Variants in DAB1 observed in about 807,000 individuals in gnomAD.
DAB1 encodes the protein disabled homolog 1.
A neutral mutation model predicts 64.6 loss-of-function variants in DAB1; 15 were observed. The observed-to-expected ratio is 0.23, with a 90% CI of 0.16 to 0.36. The LOEUF is 0.36. Among genes scored for constraint, DAB1 ranks in the 10% least tolerant of loss-of-function variants. DAB1 has a pLI of 1.00. For missense variants in DAB1, 596 were observed against 706.7 expected, an observed-to-expected ratio of 0.84 and a Z score of 1.78; for synonymous variants, 235 against 251.9, an observed-to-expected ratio of 0.93 and a Z score of 0.64.
At chr1:57,011,351 T>C in intron 12 of DAB1, 79 bp from the exon 13 acceptor site, 8 of 1,527,418 alleles carry the variant, frequency 5.2e-6, no homozygotes, top group Non-Finnish European at 7.1e-6. Flanking sequence ...CTCAGGAATC[T>C]GCTTATATTG....
intron 7 of DAB1, among the ~76,000 whole-genome samples, chr1:57,592,045 T>C (rs1291652401): frequency 1.3e-5 from 2 of 152,110 alleles, no homozygotes. Flanking sequence ...TAGGATGAGG[T>C]GTTAGTCTTG....
At chr1:58,225,533 T>C (rs543582582) in intron 4 of DAB1, among the ~76,000 whole-genome samples, 1 of 151,918 alleles carries the variant, frequency 6.6e-6, no homozygotes, top group East Asian at 1.9e-4. Flanking sequence ...TGCGGCACTA[T>C]TCACAATAGC....
chr1:58,420,542 A>G (rs758271863), intron 3 of DAB1, among the ~76,000 whole-genome samples: 24 of 152,338 alleles, frequency 1.6e-4, no homozygotes, highest in Admixed American at 7.8e-4. Flanking sequence ...CTACAAGCTT[A>G]CTGAATAAAT....
intron 7 of DAB1, among the ~76,000 whole-genome samples, chr1:57,585,077 C>T (rs185190573): frequency 2.6e-5 from 4 of 152,010 alleles, no homozygotes; most frequent in Admixed American, 1.3e-4. Context: ...GTTGAAACCT[C>T]GTCTCTACTA....
At chr1:58,331,850 T>C (rs72912368) in intron 4 of DAB1, among the ~76,000 whole-genome samples, 11,756 of 152,260 alleles carry the variant, frequency 0.077, 1,544 homozygotes, top group African/African-American at 0.27. Context: ...GTTGCAGTGG[T>C]CTGAAACCGA....
intron 4 of DAB1, among the ~76,000 whole-genome samples, chr1:57,129,678 T>G (rs113091839): frequency 6.6e-6 from 1 of 152,164 alleles, no homozygotes; most frequent in Admixed American, 6.5e-5. Flanking sequence ...GGCTCGCTTC[T>G]CTTTGGGTTT....
At chr1:58,445,398 C>G (rs540632738) in intron 3 of DAB1, among the ~76,000 whole-genome samples, 1 of 152,326 alleles carries the variant, frequency 6.6e-6, no homozygotes, top group African/African-American at 2.4e-5. Context: ...AGTACACAAG[C>G]CCACTGCAAG....
intron 3 of DAB1, among the ~76,000 whole-genome samples, chr1:58,458,980 A>T (rs1282322792): frequency 2.0e-5 from 3 of 152,164 alleles, no homozygotes; most frequent in Non-Finnish European, 4.4e-5. Context: ...GTGGTGAGAT[A>T]ATATATGTGT....
At chr1:57,526,555 G>T (rs1396055335) in intron 7 of DAB1, among the ~76,000 whole-genome samples, 1 of 152,090 alleles carries the variant, frequency 6.6e-6, no homozygotes, top group Non-Finnish European at 1.5e-5. Flanking sequence ...AATAAACTAG[G>T]GAAACTTCCA....
chr1:58,114,937 A>AG (rs1453199361), intron 5 of DAB1, among the ~76,000 whole-genome samples: 2 of 152,194 alleles, frequency 1.3e-5, no homozygotes, highest in Non-Finnish European at 2.9e-5. Flanking sequence ...AGAAGCTAGA[A>AG]AGTTAAATTA....
intron 3 of DAB1, among the ~76,000 whole-genome samples, chr1:58,486,475 C>T (rs1645577597): frequency 6.6e-6 from 1 of 152,130 alleles, no homozygotes; most frequent in Non-Finnish European, 1.5e-5. Flanking sequence ...AATTCTACTG[C>T]CAATTTTTCT....
chr1:58,308,186 T>G (rs1415189352), intron 4 of DAB1, among the ~76,000 whole-genome samples: 3 of 152,106 alleles, frequency 2.0e-5, no homozygotes, highest in Non-Finnish European at 4.4e-5. Flanking sequence ...CCAGTCCACA[T>G]AGCTAAACAC....
intron 6 of DAB1, among the ~76,000 whole-genome samples, chr1:57,749,674 C>A (rs1648462432): frequency 1.3e-5 from 2 of 151,900 alleles, no homozygotes; most frequent in South Asian, 2.1e-4. Context: ...GATCCCCATT[C>A]TATGTACTAT....
chr1:57,669,882 G>A (rs902080301), intron 6 of DAB1, among the ~76,000 whole-genome samples: 2 of 152,156 alleles, frequency 1.3e-5, no homozygotes, highest in African/African-American at 4.8e-5. Context: ...AGAATCTGCT[G>A]TTGAGTTATG....
intron 6 of DAB1, among the ~76,000 whole-genome samples, chr1:57,660,287 T>C (rs1646370861): frequency 6.6e-6 from 1 of 151,942 alleles, no homozygotes; most frequent in Non-Finnish European, 1.5e-5. Flanking sequence ...ACAGAGCAAA[T>C]AAATCATGAC....
intron 2 of DAB1, among the ~76,000 whole-genome samples, chr1:57,217,955 C>T (rs577506810): frequency 1.3e-5 from 2 of 152,194 alleles, no homozygotes; most frequent in East Asian, 1.9e-4. Flanking sequence ...TCAGATACTA[C>T]TAGGTCCCAA....
chr1:58,253,560 A>AT (rs1660854123), intron 4 of DAB1, among the ~76,000 whole-genome samples: 1 of 152,260 alleles, frequency 6.6e-6, no homozygotes, highest in South Asian at 2.1e-4. Context: ...TCAGCCTCAA[A>AT]TAGTTGGGCT....
chr1:58,226,410 C>A (rs892520536), intron 4 of DAB1, among the ~76,000 whole-genome samples: 14 of 149,588 alleles, frequency 9.4e-5, no homozygotes, highest in Middle Eastern at 3.2e-3. Flanking sequence ...AAAAAAAAAA[C>A]TCAGAGAGGT....
At position 58,149,680 on chromosome 1, in the gene DAB1, A is replaced by ACG. The variant is rs149811598; in HGVS notation, n.387+829_387+830dup. On this transcript the variant is annotated intron_variant and non_coding_transcript_variant, in intron 5 of 20. Coordinates refer to the DAB1 transcript ENST00000485760. Reference sequence around the variant, plus strand: ...AGTGTTGAAACCAACAGCTGCACATACGCACACACACCTTGCTACAAGGTA... The same window carrying ACG: ...AGTGTTGAAACCAACAGCTGCACATACGCGCACACACACCTTGCTACAAGGTA... 2.9e-3 allele frequency among the ~76,000 whole-genome samples: 448 copies of ACG among 152,242 alleles called. 1 individual carries two copies. Among genetic ancestry groups the ACG allele is most frequent in the Middle Eastern group, 6.8e-3 (2 of 294 alleles).
Sources: allele counts gnomAD v4.1 joint callset (sites outside exome capture counted in the v4.1 genomes callset), GRCh38; gene constraint gnomAD v4.1.1; transcripts MANE v1.5; gene names NCBI Gene and HGNC (gene_info 2026-07-23, HGNC 2026-07-21).